The following TSPAN19 variants were observed in gnomAD, a reference collection of about 807,000 sequenced individuals.
TSPAN19 encodes tetraspanin 19.
Under a neutral mutation model 35.1 loss-of-function variants are expected in TSPAN19, and 44 were observed. The ratio of observed to expected loss-of-function variants is 1.25; its 90% CI spans 0.98 to 1.61. The LOEUF is 1.61. Among genes scored for constraint, TSPAN19 ranks in the 40% most tolerant of loss-of-function variants. The pLI is 0.00. For synonymous variants in TSPAN19, 79 were observed against 92.0 expected, an observed-to-expected ratio of 0.86 and a Z score of 0.81; for missense variants, 290 against 280.0, an observed-to-expected ratio of 1.04 and a Z score of -0.26.
chr12:85,033,467 A>C (rs937735722), intron 1 of TSPAN19, among the ~76,000 whole-genome samples: 1 of 151,936 alleles, frequency 6.6e-6, no homozygotes, highest in African/African-American at 2.4e-5. Flanking sequence ...GAATGGAAAC[A>C]GTATCACAAT....
At chr12:85,021,055 C>T (rs967862367) in intron 5 of TSPAN19, among the ~76,000 whole-genome samples, 6 of 151,838 alleles carry the variant, frequency 4.0e-5, no homozygotes, top group Admixed American at 2.6e-4. Flanking sequence ...GAACGATTGT[C>T]GTAGTAACTT....
chr12:85,027,587 AT>A (rs1877475951), intron 4 of TSPAN19, among the ~76,000 whole-genome samples: 1 of 152,090 alleles, frequency 6.6e-6, no homozygotes, highest in African/African-American at 2.4e-5. Context: ...CTTTATTCTA[AT>A]TCTAGCCTTC....
At chr12:85,019,987 C>T (rs1040111799) in intron 5 of TSPAN19, among the ~76,000 whole-genome samples, 7 of 151,784 alleles carry the variant, frequency 4.6e-5, no homozygotes, top group African/African-American at 1.7e-4. Context: ...AAGTAATGTG[C>T]TATTCTCATG....
chr12:85,017,826 T>C (rs1565764532), intron 6 of TSPAN19, among the ~76,000 whole-genome samples: 1 of 151,858 alleles, frequency 6.6e-6, no homozygotes, highest in Non-Finnish European at 1.5e-5. Context: ...TAGTGGCTTG[T>C]GGTTGGATAG....
intron 7 of TSPAN19, 53 bp from the exon 8 acceptor site, chr12:85,016,024 A>G (rs1379548230): frequency 4.5e-6 from 5 of 1,102,014 alleles, no homozygotes; most frequent in Middle Eastern, 2.3e-4. Flanking sequence ...GATCTTATAC[A>G]TAAATCTTTA....
intron 4 of TSPAN19, among the ~76,000 whole-genome samples, chr12:85,026,825 T>C (rs76511076): frequency 2.7e-3 from 404 of 152,170 alleles, no homozygotes; most frequent in Non-Finnish European, 4.5e-3. Flanking sequence ...TGAGTAGACC[T>C]GAAGGGACCA....
Position 85,017,614 on chromosome 12 carries a change from A to T in TSPAN19, c.451-15T>A, listed in dbSNP as rs1309638701. The T allele has an allele frequency of 6.5e-7, 1 of 1,527,894 alleles. No homozygotes were observed. The highest frequency in any genetic ancestry group is 8.8e-7 in the Non-Finnish European group (1 of 1,137,526). 94.6% of individuals were successfully genotyped at this position (1,527,894 alleles called of 1,614,324 possible). On this transcript the variant is annotated splice_polypyrimidine_tract_variant and intron_variant, in intron 6 of 8. Transcript: ENST00000532498. ...CAACACTGTAACTAGGAAAAAGCTTATATGAATTTTACCATAAAATGTTCA... is the reference window on the plus strand; with the variant it reads ...CAACACTGTAACTAGGAAAAAGCTTTTATGAATTTTACCATAAAATGTTCA...
In TSPAN19 at chr12:85,015,942, A is replaced by C; in HGVS notation, c.624T>G (p.Tyr208Ter). ...EGCENKISAW[Y>*]NVNVLTLIGI... ...CGATTAAGGTTAACACATTAACATT[A>C]TACCATGCACTGATTTTATTTTCAC... is the stretch of plus-strand genomic sequence containing the variant. Residue 208 changes from tyrosine (Y) to a stop codon, truncating the protein, a stop_gained, in exon 8 of 9, where the codon TAT (tyrosine) becomes TAG (stop). Transcript: ENST00000532498. LOFTEE classifies it high-confidence loss of function. The C allele has an allele frequency of 6.5e-7, 1 of 1,549,834 alleles. No individual in the cohort carries two copies. Among genetic ancestry groups the C allele is most frequent in the Non-Finnish European group, 8.7e-7 (1 of 1,146,184 alleles).
intron 3 of TSPAN19, among the ~76,000 whole-genome samples, chr12:85,028,782 T>C (rs1440124434): frequency 6.6e-6 from 1 of 152,126 alleles, no homozygotes; most frequent in African/African-American, 2.4e-5. Flanking sequence ...GTTTAAACCA[T>C]GGAAATGGGC....
At chr12:85,027,540 T>A (rs1331286829) in intron 4 of TSPAN19, among the ~76,000 whole-genome samples, 1 of 152,160 alleles carries the variant, frequency 6.6e-6, no homozygotes, top group Non-Finnish European at 1.5e-5. Context: ...TGTTTCTTTT[T>A]CCCTGGTAAG....
intron 6 of TSPAN19, among the ~76,000 whole-genome samples, chr12:85,018,371 GAGTT>G (rs1259041186): frequency 6.6e-6 from 1 of 151,838 alleles, no homozygotes; most frequent in East Asian, 1.9e-4. Context: ...TATTGATTGA[GAGTT>G]AGGTTACTGA....
At chr12:85,025,095 A>C (rs1877330594) in intron 4 of TSPAN19, among the ~76,000 whole-genome samples, 1 of 151,898 alleles carries the variant, frequency 6.6e-6, no homozygotes, top group Admixed American at 6.6e-5. Flanking sequence ...ACTTAATCTT[A>C]TACTAATAAG....
intron 4 of TSPAN19, among the ~76,000 whole-genome samples, chr12:85,027,485 C>T (rs189824270): frequency 9.2e-5 from 14 of 152,122 alleles, no homozygotes; most frequent in East Asian, 1.9e-4. Context: ...GTTACCTTTC[C>T]GCGTGCCATG....
At chr12:85,028,427 T>C (rs1031336186) in intron 3 of TSPAN19, among the ~76,000 whole-genome samples, 1 of 152,206 alleles carries the variant, frequency 6.6e-6, no homozygotes, top group Non-Finnish European at 1.5e-5. Context: ...CTGAATTTAT[T>C]GCTAATATGA....
intron 6 of TSPAN19, 142 bp from the exon 7 acceptor site, chr12:85,017,741 T>G: frequency 1.6e-6 from 1 of 615,536 alleles, no homozygotes. Flanking sequence ...AATAAGTATA[T>G]CTGTGCTTGT....
At chr12:85,028,051 T>C in intron 3 of TSPAN19, 28 bp from the exon 4 acceptor site, 1 of 1,473,528 alleles carries the variant, frequency 6.8e-7, no homozygotes, top group Non-Finnish European at 9.2e-7. Flanking sequence ...TTACTTATTA[T>C]GAAGTGGTAT....
intron 1 of TSPAN19, among the ~76,000 whole-genome samples, chr12:85,032,430 G>T (rs1305373995): frequency 6.6e-6 from 1 of 152,276 alleles, no homozygotes; most frequent in South Asian, 2.1e-4. Context: ...GACAGTTCTA[G>T]ATCATGGTGT....
chr12:85,020,813 C>T (rs1877080113), intron 5 of TSPAN19, among the ~76,000 whole-genome samples: 1 of 151,982 alleles, frequency 6.6e-6, no homozygotes, highest in South Asian at 2.1e-4. Context: ...AAATAGATTT[C>T]CTTGGATCTT....
In TSPAN19 at chr12:85,027,294, A is replaced by G. The variant is rs111773302; in HGVS notation, c.264+605T>C. Among the ~76,000 whole-genome samples, 4 of 152,116 alleles carry G rather than the reference A, an allele frequency of 2.6e-5. 1 individual carries two copies. The highest frequency in any genetic ancestry group is 9.6e-5 in the African/African-American group (4 of 41,530). On this transcript the variant is annotated intron_variant, in intron 4 of 8. Transcript: ENST00000532498. ...GACACTATTATTAAAGAGGGGAGGAAAAGAGTGGGGCAAAGGTTGAAAAGT... is the reference window on the plus strand; with the variant it reads ...GACACTATTATTAAAGAGGGGAGGAGAAGAGTGGGGCAAAGGTTGAAAAGT...
Sources: allele counts gnomAD v4.1 joint callset (sites outside exome capture counted in the v4.1 genomes callset), GRCh38; gene constraint gnomAD v4.1.1; transcripts MANE v1.5; gene names NCBI Gene and HGNC (gene_info 2026-07-23, HGNC 2026-07-21).